The following ZNF804B variants were observed in gnomAD, a reference collection of about 807,000 sequenced individuals.
ZNF804B encodes the protein zinc finger protein 804B, also known as zinc finger 804B.
ZNF804B carries 80 observed loss-of-function variants against 101.4 expected under a neutral mutation model. The observed-to-expected ratio is 0.79, with a 90% confidence interval of 0.66 to 0.95. The LOEUF (loss-of-function observed/expected upper bound fraction) is 0.95, where lower values mean the gene tolerates loss of function less well. ZNF804B is among the 40% of genes least tolerant of loss of function. The probability of loss-of-function intolerance (pLI) is 0.00; values close to 1 mark genes in which losing one functional copy is unlikely to be tolerated. For synonymous variants in ZNF804B, 622 were observed against 558.8 expected, an observed-to-expected ratio of 1.11 and a Z score of -1.59; for missense variants, 1,673 against 1,561.9, an observed-to-expected ratio of 1.07 and a Z score of -1.20.
chr7:88,891,351 T>C (rs746612892), intron 1 of ZNF804B, among the ~76,000 whole-genome samples: 2 of 152,114 alleles, frequency 1.3e-5, no homozygotes, highest in Non-Finnish European at 2.9e-5. Context: ...CTAACAAATA[T>C]TTTAATTAAA....
chr7:89,016,552 A>G (rs56104875), intron 1 of ZNF804B, among the ~76,000 whole-genome samples: 8,188 of 148,926 alleles, frequency 0.055, 652 homozygotes, highest in African/African-American at 0.16. Context: ...AGCTTTCTAC[A>G]TATGGCTAGC....
At chr7:89,165,966 AC>A (rs1381424948) in intron 1 of ZNF804B, among the ~76,000 whole-genome samples, 1 of 152,136 alleles carries the variant, frequency 6.6e-6, no homozygotes, top group Non-Finnish European at 1.5e-5. Flanking sequence ...TTTAATTTAT[AC>A]CTTGAAAATG....
At chr7:88,911,436 A>G (rs1792549044) in intron 1 of ZNF804B, among the ~76,000 whole-genome samples, 1 of 148,608 alleles carries the variant, frequency 6.7e-6, no homozygotes, top group African/African-American at 2.4e-5. Flanking sequence ...ATAATATTAT[A>G]TCTTATTTAT....
At chr7:88,858,005 T>C (rs1463647658) in intron 1 of ZNF804B, among the ~76,000 whole-genome samples, 1 of 151,956 alleles carries the variant, frequency 6.6e-6, no homozygotes, top group East Asian at 1.9e-4. Flanking sequence ...GTAGTTTTAG[T>C]AGAGACAGGG....
At chr7:88,815,376 A>C (rs1790860152) in intron 1 of ZNF804B, among the ~76,000 whole-genome samples, 1 of 141,700 alleles carries the variant, frequency 7.1e-6, no homozygotes, top group Admixed American at 7.3e-5. Flanking sequence ...CAGTTTTTCA[A>C]GTCAAGTTTT....
chr7:88,926,035 A>G (rs1488228651), intron 1 of ZNF804B, among the ~76,000 whole-genome samples: 1 of 152,166 alleles, frequency 6.6e-6, no homozygotes, highest in Non-Finnish European at 1.5e-5. Context: ...TGGATTTTCT[A>G]GGTCAAAAAT....
chr7:89,246,660 C>A (rs1313398920), intron 2 of ZNF804B, among the ~76,000 whole-genome samples: 4 of 152,098 alleles, frequency 2.6e-5, no homozygotes, highest in Non-Finnish European at 5.9e-5. Context: ...GGCAATAGAT[C>A]ATGATGCAGT....
rs930291371 is a variant in ZNF804B, at chr7:89,337,327, C to T, written c.*295C>T. On this transcript the variant is annotated 3_prime_UTR_variant, in exon 4 of 4. Transcript: ENST00000333190. ...CTCGCATAATGTTATAAAATAGCAA[C>T]AGAAAACATTCAAGCAGAGCATTAA... Among the ~76,000 whole-genome samples the T allele has an allele frequency of 2.0e-5, 3 of 151,948 alleles. No individual in the cohort carries two copies. Among genetic ancestry groups the T allele is most frequent in the Admixed American group, 2.0e-4 (3 of 15,226 alleles).
intron 1 of ZNF804B, among the ~76,000 whole-genome samples, chr7:88,976,047 T>G (rs1333343471): frequency 6.6e-6 from 1 of 151,756 alleles, no homozygotes; most frequent in African/African-American, 2.4e-5. Context: ...CAGTGTATGT[T>G]CTTGGTACCT....
chr7:88,770,240 C>T (rs940094149), intron 1 of ZNF804B, among the ~76,000 whole-genome samples: 7 of 151,962 alleles, frequency 4.6e-5, no homozygotes, highest in African/African-American at 7.3e-5. Flanking sequence ...AGGGACTTTC[C>T]GGTTATGATT....
At chr7:89,212,759 G>T (rs2115682848) in intron 1 of ZNF804B, among the ~76,000 whole-genome samples, 1 of 152,188 alleles carries the variant, frequency 6.6e-6, no homozygotes, top group South Asian at 2.1e-4. Flanking sequence ...CTTTATAGGT[G>T]TAAATTTATC....
intron 1 of ZNF804B, among the ~76,000 whole-genome samples, chr7:89,004,992 A>C (rs370899189): frequency 1.3e-5 from 2 of 151,922 alleles, no homozygotes; most frequent in African/African-American, 4.8e-5. Flanking sequence ...TTAGGCCTTC[A>C]CCACTCATAC....
At chr7:88,761,564 A>T (rs1789897149) in intron 1 of ZNF804B, among the ~76,000 whole-genome samples, 1 of 152,204 alleles carries the variant, frequency 6.6e-6, no homozygotes, top group African/African-American at 2.4e-5. Context: ...CTTACAGCCA[A>T]CTTAAATCCT....
chr7:88,803,058 T>G (rs79057657), intron 1 of ZNF804B, among the ~76,000 whole-genome samples: 1 of 152,046 alleles, frequency 6.6e-6, no homozygotes, highest in African/African-American at 2.4e-5. Context: ...GAAACAAGAA[T>G]AGAGAGAAAT....
At chr7:89,196,012 T>G (rs1788544698) in intron 1 of ZNF804B, among the ~76,000 whole-genome samples, 3 of 151,962 alleles carry the variant, frequency 2.0e-5, no homozygotes, top group South Asian at 2.1e-4. Context: ...CTATTCCCAT[T>G]AAACTACCAT....
chr7:88,819,066 A>G (rs1456762319), intron 1 of ZNF804B, among the ~76,000 whole-genome samples: 3 of 152,044 alleles, frequency 2.0e-5, no homozygotes, highest in Non-Finnish European at 4.4e-5. Flanking sequence ...GATTGACTGT[A>G]TTTTCTTCAC....
intron 1 of ZNF804B, among the ~76,000 whole-genome samples, chr7:89,002,677 A>T (rs1028721466): frequency 6.6e-6 from 1 of 151,922 alleles, no homozygotes; most frequent in Non-Finnish European, 1.5e-5. Context: ...AAAAGCCCTT[A>T]TATGGTATTT....
At chr7:89,041,732 A>G (rs1243356481) in intron 1 of ZNF804B, among the ~76,000 whole-genome samples, 2 of 152,154 alleles carry the variant, frequency 1.3e-5, no homozygotes, top group Non-Finnish European at 2.9e-5. Flanking sequence ...TGTGCTGTTC[A>G]GGCTTGTGGG....
In ZNF804B at chr7:89,335,693, C is replaced by T. The variant is rs866443877; in HGVS notation, c.2711C>T (p.Ser904Phe). 6.2e-7 allele frequency: 1 copy of T among 1,614,022 alleles called. No individual in the cohort carries two copies. Among genetic ancestry groups the T allele is most frequent in the Non-Finnish European group, 8.5e-7 (1 of 1,179,958 alleles). The change falls in exon 4 of 4, where the codon TCC becomes TTC. Residue 904 changes from serine (S) to phenylalanine (F), a missense_variant. Transcript: ENST00000333190. ...ATCAGCTGCCTTCTAAAGAACTGTTCCAGTGGCCCTTCAGAAACCACAGAA... is the reference window on the plus strand; with the variant it reads ...ATCAGCTGCCTTCTAAAGAACTGTTTCAGTGGCCCTTCAGAAACCACAGAA... Reference protein sequence around the residue: ...GNISCLLKNCSSGPSETTESN... With the variant: ...GNISCLLKNCFSGPSETTESN...
Sources: allele counts gnomAD v4.1 joint callset (sites outside exome capture counted in the v4.1 genomes callset), GRCh38; gene constraint gnomAD v4.1.1; transcripts MANE v1.5; gene names NCBI Gene and HGNC (gene_info 2026-07-23, HGNC 2026-07-21).